The following CYRIB variants were observed in gnomAD, a reference collection of about 807,000 sequenced individuals.
CYRIB encodes CYFIP-related Rac1 interactor B.
A neutral mutation model predicts 44.2 loss-of-function variants in CYRIB; 8 were observed. The ratio of observed to expected loss-of-function variants is 0.18; its 90% CI spans 0.11 to 0.33. CYRIB has a LOEUF of 0.33. Among genes scored for constraint, CYRIB ranks in the 10% least tolerant of loss-of-function variants. CYRIB has a pLI of 1.00. For synonymous variants in CYRIB, 131 were observed against 127.2 expected (o/e 1.03, Z -0.20); for missense variants, 185 against 382.8 (o/e 0.48, Z 4.31).
chr8:129,931,596 A>T (rs1294881383), intron 1 of CYRIB, among the ~76,000 whole-genome samples: 1 of 152,144 alleles, frequency 6.6e-6, no homozygotes, highest in African/African-American at 2.4e-5. Context: ...CAGCACCAAT[A>T]ATAATAATAT....
At chr8:129,995,074 G>A (rs2096736831) in intron 1 of CYRIB, among the ~76,000 whole-genome samples, 2 of 152,238 alleles carry the variant, frequency 1.3e-5, no homozygotes, top group African/African-American at 2.4e-5. Flanking sequence ...CTTACATACT[G>A]AGGGTTCCCC....
intron 2 of CYRIB, chr8:129,880,501 T>C: frequency 2.1e-6 from 2 of 938,490 alleles, no homozygotes; most frequent in Non-Finnish European, 2.5e-6. Flanking sequence ...CAGTAAAAAA[T>C]TTTAAGCAGA....
intron 2 of CYRIB, among the ~76,000 whole-genome samples, chr8:129,966,799 A>G (rs1048486645): frequency 1.3e-5 from 2 of 152,118 alleles, no homozygotes; most frequent in African/African-American, 4.8e-5. Flanking sequence ...GGTTCAAACA[A>G]TCCTCCCACC....
At chr8:129,904,691 C>T (rs187255557) in intron 1 of CYRIB, 106 bp from the exon 3 acceptor site, 78 of 152,346 alleles carry the variant, frequency 5.1e-4, no homozygotes, top group African/African-American at 1.8e-3. Context: ...TCACTGGATG[C>T]TCCTTCTTAA....
rs551105328 is a variant in CYRIB at position 129,938,966 on chromosome 8, C to T, written c.-50+642G>A. On this transcript the variant is annotated intron_variant, in intron 1 of 11. Coordinates refer to ENST00000519824, the Ensembl canonical transcript of CYRIB. ...TGCGCGTTTGGAAACACACTAAGAC[C>T]ACACCCTAAGACTGAGAATCTGGAC... Among the ~76,000 whole-genome samples the T allele has an allele frequency of 8.5e-5, 13 of 152,242 alleles. No homozygotes were observed. In the South Asian group the frequency reaches 2.5e-3, roughly 29 times the overall value.
At chr8:129,990,352 A>G (rs2096597718) in intron 1 of CYRIB, among the ~76,000 whole-genome samples, 1 of 152,200 alleles carries the variant, frequency 6.6e-6, no homozygotes, top group Non-Finnish European at 1.5e-5. Flanking sequence ...ATCTAGATAA[A>G]GTATGTTTCA....
At chr8:129,868,243 A>G (rs895653818) in intron 4 of CYRIB, among the ~76,000 whole-genome samples, 3 of 152,056 alleles carry the variant, frequency 2.0e-5, no homozygotes, top group Admixed American at 6.5e-5. Context: ...AACCTGCATC[A>G]ACTTCTCAAC....
intron 2 of CYRIB, chr8:129,901,632 A>G (rs1008997241): frequency 2.2e-4 from 34 of 152,230 alleles, no homozygotes; most frequent in Non-Finnish European, 7.3e-5. Flanking sequence ...GTCCATAGAG[A>G]ATTCAGGGAT....
chr8:129,930,894 T>A (rs1294302600), intron 1 of CYRIB, among the ~76,000 whole-genome samples: 4 of 152,172 alleles, frequency 2.6e-5, no homozygotes, highest in African/African-American at 9.7e-5. Flanking sequence ...AATTCACGTA[T>A]GCTTTAACCC....
chr8:129,895,068 G>C (rs1300814058), intron 2 of CYRIB, among the ~76,000 whole-genome samples: 4 of 141,216 alleles, frequency 2.8e-5, no homozygotes, highest in Non-Finnish European at 6.1e-5. Flanking sequence ...CTCCTGAGTA[G>C]CTGGGACTAC....
chr8:129,911,512 T>A (rs534222966), intron 1 of CYRIB, among the ~76,000 whole-genome samples: 3 of 151,988 alleles, frequency 2.0e-5, no homozygotes, highest in Non-Finnish European at 4.4e-5. Context: ...TTTAAAAAAA[T>A]AACCCACGGC....
intron 2 of CYRIB, among the ~76,000 whole-genome samples, chr8:129,893,568 C>T (rs2066423014): frequency 6.6e-6 from 1 of 152,172 alleles, no homozygotes; most frequent in African/African-American, 2.4e-5. Context: ...GTCTGTCACC[C>T]AGATTAAAAC....
chr8:129,868,956 G>A (rs532356103), intron 4 of CYRIB, among the ~76,000 whole-genome samples: 163 of 149,048 alleles, frequency 1.1e-3, no homozygotes, highest in African/African-American at 3.5e-3. Context: ...CTAGCACTTT[G>A]GGAGGCTGAG....
intron 1 of CYRIB, among the ~76,000 whole-genome samples, chr8:129,992,515 C>T (rs2096663545): frequency 6.6e-6 from 1 of 152,146 alleles, no homozygotes; most frequent in Non-Finnish European, 1.5e-5. Context: ...CTTTAACGAA[C>T]ACTGTGAGGC....
chr8:129,994,915 G>T (rs1409586240), intron 1 of CYRIB, among the ~76,000 whole-genome samples: 1 of 152,194 alleles, frequency 6.6e-6, no homozygotes, highest in African/African-American at 2.4e-5. Flanking sequence ...ACCTCTTCCT[G>T]CCCCTGCATC....
intron 1 of CYRIB, among the ~76,000 whole-genome samples, chr8:129,987,584 T>A (rs1591828699): frequency 3.9e-5 from 5 of 129,430 alleles, no homozygotes; most frequent in South Asian, 2.3e-4. Context: ...TTTTTTTTTT[T>A]TATGAGACTG....
At chr8:129,865,612 T>C (rs2053087707) in intron 4 of CYRIB, among the ~76,000 whole-genome samples, 1 of 152,230 alleles carries the variant, frequency 6.6e-6, no homozygotes, top group Admixed American at 6.5e-5. Flanking sequence ...GAGGCTTTTC[T>C]TAGGAATGAA....
intron 1 of CYRIB, among the ~76,000 whole-genome samples, chr8:129,983,710 C>A (rs947780285): frequency 6.6e-6 from 1 of 152,100 alleles, no homozygotes; most frequent in Non-Finnish European, 1.5e-5. Flanking sequence ...CACAGGGATG[C>A]GGGGACGCTG....
At chr8:129,909,985 A>G (rs2077149128) in intron 1 of CYRIB, among the ~76,000 whole-genome samples, 1 of 152,364 alleles carries the variant, frequency 6.6e-6, no homozygotes, top group Admixed American at 6.5e-5. Flanking sequence ...TGGGCAAGTT[A>G]GCGAAAGACA....
Sources: gnomAD v4.1 joint callset for allele counts (sites outside exome capture counted in the v4.1 genomes callset) on GRCh38, gnomAD v4.1.1 for gene constraint, MANE v1.5 for transcripts, NCBI Gene and HGNC (gene_info 2026-07-23, HGNC 2026-07-21) for gene names.